SRCIN1: variants seen among roughly 807,000 people sequenced by gnomAD.
The protein encoded by SRCIN1 is P130Cas-associated protein.
SRCIN1 carries 50 observed loss-of-function variants against 116.2 expected under a neutral mutation model. The ratio of observed to expected loss-of-function variants is 0.43; its 90% confidence interval spans 0.34 to 0.54. The LOEUF is 0.54. SRCIN1 is among the 20% of genes least tolerant of loss of function. The pLI is 0.02. For missense variants in SRCIN1, 1,446 were observed against 1,672.0 expected (o/e 0.86, Z 2.36); for synonymous variants, 736 against 750.0 (o/e 0.98, Z 0.30).
Position 38,560,342 on chromosome 17 carries a change from T to A in SRCIN1, c.1784A>T (p.Glu595Val). ...QSALLRGSEPETPSEKIEGSN... is the reference protein window; with the variant it reads ...QSALLRGSEPVTPSEKIEGSN... ...GGGAGAGGGGCCTCACCTGGGGGTCTCAGGCTCAGAGCCTCGCAGTAAGGC... is the reference window on the plus strand; with the variant it reads ...GGGAGAGGGGCCTCACCTGGGGGTCACAGGCTCAGAGCCTCGCAGTAAGGC... Residue 595 changes from glutamate (E) to valine (V), a missense_variant, in exon 8 of 19, where the codon GAG becomes GTG. By Grantham distance (121) the Glu-to-Val change is moderately radical. Around this residue, in one of 5 missense-constraint regions of SRCIN1, gnomAD observed 398 missense variants for 385.6 expected, o/e 1.03. Transcript: ENST00000617146. 1.9e-6 allele frequency: 3 copies of A among 1,609,316 alleles called. No individual in the cohort carries two copies. The highest frequency in any genetic ancestry group is 2.5e-6 in the Non-Finnish European group (3 of 1,177,866).
At chr17:38,605,660 G>A in intron 1 of SRCIN1, 24 bp downstream of exon 1, 1 of 1,394,282 alleles carries the variant, frequency 7.2e-7, no homozygotes, top group Non-Finnish European at 9.4e-7. Context: ...AGGCACATTA[G>A]GGAGGAGAGA....
rs1414866276 is a variant in SRCIN1 at position 38,543,753 on chromosome 17, T to C, written c.3417+70A>G. 6 of 1,558,348 alleles carry C rather than the reference T, an allele frequency of 3.9e-6. No individual in the cohort carries two copies. The Admixed American group carries it at 8.9e-5, about 23-fold the overall frequency. On this transcript the variant is annotated intron_variant, in intron 18 of 18. Coordinates refer to ENST00000617146, the MANE Select transcript of SRCIN1 (RefSeq NM_025248.3). ...TGGTCACGGGAGCAGGGGCAGGAGA[T>C]GCCCAGTGGGGCAGGGGCCCGGCAT...
chr17:38,535,861 C>T (rs1435552240), intron 18 of SRCIN1, among the ~76,000 whole-genome samples: 1 of 152,212 alleles, frequency 6.6e-6, no homozygotes, highest in African/African-American at 2.4e-5. Flanking sequence ...GGTGCTGATT[C>T]TCCCCGGTTG....
intron 18 of SRCIN1, among the ~76,000 whole-genome samples, chr17:38,541,097 G>A (rs916845682): frequency 6.6e-6 from 1 of 151,878 alleles, no homozygotes; most frequent in Non-Finnish European, 1.5e-5. Context: ...AATTTAGCCA[G>A]GCTTGGTGGT....
intron 1 of SRCIN1, among the ~76,000 whole-genome samples, chr17:38,581,965 A>G (rs917259438): frequency 1.3e-5 from 2 of 152,148 alleles, no homozygotes; most frequent in African/African-American, 4.8e-5. Context: ...AGTGAGAAGG[A>G]GGGGACCCTC....
chr17:38,560,263 C>G, intron 8 of SRCIN1, 70 bp downstream of exon 8: 1 of 1,500,020 alleles, frequency 6.7e-7, no homozygotes. Context: ...CTGGCAGAGC[C>G]GATGCCCATT....
In SRCIN1 at chr17:38,558,432, G is replaced by C; in HGVS notation, c.2026-30C>G. 1.3e-6 allele frequency: 2 copies of C among 1,563,454 alleles called. No homozygotes were observed. The highest frequency in any genetic ancestry group is 1.4e-5 in the African/African-American group (1 of 73,544). On this transcript the variant is annotated intron_variant, in intron 10 of 18. Transcript: ENST00000617146. This position sits in a 1 kb window ranked among gnomAD's most constrained non-coding sequence, Gnocchi z 4.6. ...GGGACGCACGGACGGATGGACCCGG[G>C]TGGGGGGAGCGGAGCCGCGAGGCAG... is the stretch of plus-strand genomic sequence containing the variant.
At chr17:38,540,145 C>T (rs555492324) in intron 18 of SRCIN1, among the ~76,000 whole-genome samples, 18 of 152,222 alleles carry the variant, frequency 1.2e-4, no homozygotes, top group African/African-American at 3.9e-4. Context: ...TACACAAAGC[C>T]TTGATCCTTG....
intron 1 of SRCIN1, among the ~76,000 whole-genome samples, chr17:38,603,983 A>C (rs943760656): frequency 1.2e-4 from 19 of 152,046 alleles, no homozygotes; most frequent in African/African-American, 4.3e-4. Context: ...CCCCACATAC[A>C]ACCACACCAG....
chr17:38,549,501 C>G, intron 15 of SRCIN1, among the ~76,000 whole-genome samples: 1 of 152,164 alleles, frequency 6.6e-6, no homozygotes, highest in East Asian at 1.9e-4. Flanking sequence ...TCAGGCCCCA[C>G]CTCTGGGCTG....
intron 1 of SRCIN1, among the ~76,000 whole-genome samples, chr17:38,599,889 CCTAA>C (rs912152255): frequency 2.0e-5 from 3 of 152,208 alleles, no homozygotes; most frequent in Non-Finnish European, 2.9e-5. Flanking sequence ...TCTGCAAAAT[CCTAA>C]CTAAGTCTCA....
chr17:38,591,896 CTGAG>C (rs1908461596), intron 1 of SRCIN1, among the ~76,000 whole-genome samples: 1 of 152,262 alleles, frequency 6.6e-6, no homozygotes, highest in Admixed American at 6.5e-5. Context: ...GCCCAGGAGT[CTGAG>C]TGGGCAGCCC....
chr17:38,592,566 C>T (rs80299976), intron 1 of SRCIN1, among the ~76,000 whole-genome samples: 1 of 152,214 alleles, frequency 6.6e-6, no homozygotes, highest in Admixed American at 6.5e-5. Context: ...TGACCTTGAA[C>T]AAATCATTTC....
intron 17 of SRCIN1, among the ~76,000 whole-genome samples, chr17:38,547,452 A>AG (rs1240137102): frequency 6.6e-6 from 1 of 152,198 alleles, no homozygotes; most frequent in African/African-American, 2.4e-5. Context: ...ACTGCGAACC[A>AG]GAACAAAATA....
chr17:38,600,846 C>T (rs968913334), intron 1 of SRCIN1, among the ~76,000 whole-genome samples: 2 of 152,244 alleles, frequency 1.3e-5, no homozygotes, highest in African/African-American at 4.8e-5. Flanking sequence ...ACAGCCATCC[C>T]CCCAACCCTG....
intron 1 of SRCIN1, among the ~76,000 whole-genome samples, chr17:38,593,552 C>T (rs1036439579): frequency 9.2e-5 from 14 of 152,090 alleles, no homozygotes; most frequent in African/African-American, 3.1e-4. Context: ...TCAGGTCTGT[C>T]GTCTCTTCCC....
At chr17:38,536,181 C>T (rs543586485) in intron 18 of SRCIN1, among the ~76,000 whole-genome samples, 77 of 152,314 alleles carry the variant, frequency 5.1e-4, no homozygotes, top group African/African-American at 1.7e-3. Flanking sequence ...AAAATCCTCT[C>T]GGGTCATCTT....
chr17:38,567,237 G>A (rs1906779855), intron 3 of SRCIN1, among the ~76,000 whole-genome samples: 1 of 152,178 alleles, frequency 6.6e-6, no homozygotes, highest in Non-Finnish European at 1.5e-5. Flanking sequence ...ATTCTATGAT[G>A]CAGACATTGT....
chr17:38,537,786 G>C (rs1421507812), intron 18 of SRCIN1, among the ~76,000 whole-genome samples: 1 of 127,880 alleles, frequency 7.8e-6, no homozygotes, highest in Non-Finnish European at 1.6e-5. Flanking sequence ...GCTAGACTCC[G>C]TGTCAAAAAA....
Sources: allele counts gnomAD v4.1 joint callset (sites outside exome capture counted in the v4.1 genomes callset), GRCh38; gene constraint gnomAD v4.1.1; regional missense constraint gnomAD v4.1.1; non-coding constraint Gnocchi (gnomAD v3.1); transcripts MANE v1.5; gene names NCBI Gene and HGNC (gene_info 2026-07-23, HGNC 2026-07-21).